Variants in WDR33 observed in about 807,000 individuals in gnomAD.
The protein encoded by WDR33 is WD repeat domain 33.
Under a neutral mutation model 164.9 loss-of-function variants are expected in WDR33, and 47 were observed. The observed-to-expected ratio is 0.29, with a 90% CI of 0.23 to 0.36. The LOEUF is 0.36. Ranked by LOEUF, WDR33 falls within the 10% of genes least tolerant of loss-of-function variation. The pLI, the probability that WDR33 is intolerant of heterozygous loss-of-function variation, is 1.00. For missense variants in WDR33, 1,137 were observed against 1,754.1 expected (o/e 0.65, Z 6.28); for synonymous variants, 505 against 589.0 (o/e 0.86, Z 2.06).
At chr2:127,799,123 A>G (rs545458011) in intron 1 of WDR33, 1 of 152,314 alleles carries the variant, frequency 6.6e-6, no homozygotes, top group South Asian at 2.1e-4. Flanking sequence ...GAGAAAAATC[A>G]GTTGCTTAAC....
At position 127,710,285 on chromosome 2, in the gene WDR33, T is replaced by TGCA. The variant is rs1686127065; in HGVS notation, c.3309-430_3309-429insTGC. Among the ~76,000 whole-genome samples, 1 of 152,248 alleles carries TGCA rather than the reference T, an allele frequency of 6.6e-6. No homozygotes were observed. Among genetic ancestry groups the TGCA allele is most frequent in the African/African-American group, 2.4e-5 (1 of 41,466 alleles). ...CAGTCTTGACCCTCGGCCCAGGTTC[T>TGCA]GTATCACTGCCTCACAAATACTTAT... On this transcript the variant is annotated intron_variant, in intron 18 of 21. Transcript: ENST00000322313. This position sits in a 1 kb window ranked among gnomAD's most constrained non-coding sequence, Gnocchi z 4.4.
intron 1 of WDR33, among the ~76,000 whole-genome samples, chr2:127,788,630 G>T (rs1688713653): frequency 6.9e-6 from 1 of 144,896 alleles, no homozygotes; most frequent in Non-Finnish European, 1.5e-5. Context: ...CCCGGACGGG[G>T]CGGCTGGCCG....
At chr2:127,734,943 CTAA>C (rs1686802618) in intron 7 of WDR33, among the ~76,000 whole-genome samples, 1 of 152,252 alleles carries the variant, frequency 6.6e-6, no homozygotes, top group Admixed American at 6.5e-5. Flanking sequence ...AAAAAAATGC[CTAA>C]TGTGTTAAAA....
intron 21 of WDR33, among the ~76,000 whole-genome samples, chr2:127,707,704 G>T (rs1396796662): frequency 1.3e-5 from 2 of 152,162 alleles, no homozygotes; most frequent in Non-Finnish European, 2.9e-5. Flanking sequence ...CAAATGGCAG[G>T]CCAGGCATGG....
intron 1 of WDR33, among the ~76,000 whole-genome samples, chr2:127,785,541 C>A (rs1688532784): frequency 6.6e-6 from 1 of 152,202 alleles, no homozygotes; most frequent in Admixed American, 6.5e-5. Context: ...TTTGCCCTTT[C>A]CAGAATGTCA....
chr2:127,711,768 A>ATTTTTTTT lies in WDR33; in HGVS notation c.3308+1814_3308+1815insAAAAAAAA, dbSNP rs1441301170. Among the ~76,000 whole-genome samples the ATTTTTTTT allele has an allele frequency of 7.6e-3, 530 of 70,188 alleles. 37 individuals are homozygous for ATTTTTTTT. The highest frequency in any genetic ancestry group is 0.051 in the African/African-American group (457 of 8,962). The allele number at this position is 70,188 out of a possible 152,430, so 46.0% of individuals were successfully genotyped here. On this transcript the variant is annotated intron_variant, in intron 18 of 21. Coordinates refer to ENST00000322313, the MANE Select transcript of WDR33 (RefSeq NM_018383.5). ...CATATACAGATATATATATATATATATATATATATATATTTTTTTTTTGAG... is the reference window on the plus strand; with the variant it reads ...CATATACAGATATATATATATATATATTTTTTTTTATATATATATATTTTTTTTTTGAG...
At chr2:127,766,328 G>A (rs1687819615) in intron 4 of WDR33, among the ~76,000 whole-genome samples, 1 of 152,042 alleles carries the variant, frequency 6.6e-6, no homozygotes, top group Admixed American at 6.6e-5. Flanking sequence ...ATAAAATGAA[G>A]GTTATTTCTT....
At chr2:127,746,556 T>C (rs966074510) in intron 7 of WDR33, among the ~76,000 whole-genome samples, 3 of 152,300 alleles carry the variant, frequency 2.0e-5, no homozygotes, top group Middle Eastern at 3.4e-3. Context: ...CCCTGTGAGG[T>C]AGGTATCATT....
Position 127,764,293 on chromosome 2 carries a change from C to T in WDR33, c.626+535G>A, listed in dbSNP as rs1687759524. The T allele has an allele frequency of 7.8e-7, 1 of 1,280,886 alleles. No individual in the cohort carries two copies. The highest frequency in any genetic ancestry group is 1.5e-5 in the African/African-American group (1 of 65,558). The allele number at this position is 1,280,886 out of a possible 1,614,324, so 79.3% of individuals were successfully genotyped here. A position where few individuals can be genotyped will look rare whatever the true frequency, so the allele number is the denominator to read the frequency against. The stretch of plus-strand genomic sequence containing the variant: ...CTTACAGCTGCAAAGCTTGAAGAAC[C>T]CATTCATTACTCCGTTAATGTTTGC... On this transcript the variant is annotated intron_variant, in intron 6 of 21. Transcript: ENST00000322313. The surrounding 1 kb of genome is among the most constrained non-coding windows in gnomAD (Gnocchi z 6.2).
intron 7 of WDR33, chr2:127,736,384 G>T (rs767256549): frequency 6.1e-6 from 6 of 985,404 alleles, no homozygotes; most frequent in Non-Finnish European, 7.2e-6. Flanking sequence ...GTTGCAAAAT[G>T]TAAGGATTTG....
At position 127,798,367 on chromosome 2, in the gene WDR33, CAAAAAAAAAAA is replaced by C. The variant is rs61568967; in HGVS notation, c.-24+12634_-24+12644del. On this transcript the variant is annotated intron_variant, in intron 1 of 21. Coordinates refer to ENST00000322313, the MANE Select transcript of WDR33 (RefSeq NM_018383.5). ...TAGGCAACAGGGCGAGACACCGTCG[CAAAAAAAAAAA>C]AAAAAAAAAAAAAAAAATGAATTTA... is the stretch of plus-strand genomic sequence containing the variant. Among the ~76,000 whole-genome samples the C allele has an allele frequency of 9.7e-3, 187 of 19,294 alleles. 1 individual carries two copies. Among genetic ancestry groups the C allele is most frequent in the African/African-American group, 0.02 (98 of 4,880 alleles). The allele number at this position is 19,294 out of a possible 152,430, so 12.7% of individuals were successfully genotyped here.
At position 127,701,293 on chromosome 2, in the gene WDR33, A is replaced by C. The variant is rs1166871460; in HGVS notation, c.*5030T>G. 5.7e-6 allele frequency: 2 copies of C among 348,084 alleles called. No individual in the cohort carries two copies. The highest frequency in any genetic ancestry group is 1.0e-5 in the Non-Finnish European group (2 of 196,078). 21.6% of individuals were successfully genotyped at this position (348,084 alleles called of 1,614,324 possible). A position where few individuals can be genotyped will look rare whatever the true frequency, so the allele number is the denominator to read the frequency against. ...GACCGCAAGGGCGCCTACTCCGAAC[A>C]AGGAAGAGGGTCAGGCGCTGGGAGG... On this transcript the variant is annotated 3_prime_UTR_variant, in exon 22 of 22. Coordinates refer to ENST00000322313, the MANE Select transcript of WDR33 (RefSeq NM_018383.5).
At chr2:127,732,303 TTTC>T (rs747497299) in intron 7 of WDR33, among the ~76,000 whole-genome samples, 15 of 151,492 alleles carry the variant, frequency 9.9e-5, no homozygotes, top group Non-Finnish European at 2.1e-4. Context: ...CTTGAACTTT[TTTC>T]TTTTTTTTTT....
intron 1 of WDR33, among the ~76,000 whole-genome samples, chr2:127,807,576 G>A (rs920973457): frequency 6.6e-6 from 1 of 152,140 alleles, no homozygotes; most frequent in African/African-American, 2.4e-5. Flanking sequence ...GAATAAATGA[G>A]AGTCACTGAA....
At position 127,709,412 on chromosome 2, in the gene WDR33, G is replaced by A; in HGVS notation, c.3565+78C>T. ...ATGAGCTGGAAAGAGGAGACCCGGT[G>A]CACCCCAGAGAGGGCCCTCAGAACT... On this transcript the variant is annotated intron_variant, in intron 20 of 21. Coordinates refer to ENST00000322313, the MANE Select transcript of WDR33 (RefSeq NM_018383.5). This position sits in a 1 kb window ranked among gnomAD's most constrained non-coding sequence, Gnocchi z 5.0. 7.1e-7 allele frequency: 1 copy of A among 1,400,352 alleles called. No individual in the cohort carries two copies. The highest frequency in any genetic ancestry group is 1.2e-5 in the South Asian group (1 of 85,588). The allele number at this position is 1,400,352 out of a possible 1,614,324, so 86.7% of individuals were successfully genotyped here.
At chr2:127,746,152 G>A (rs111652057) in intron 7 of WDR33, among the ~76,000 whole-genome samples, 5,946 of 151,630 alleles carry the variant, frequency 0.039, 172 homozygotes, top group Non-Finnish European at 0.057. Context: ...GATGATAGTG[G>A]AAATAAAATA....
intron 1 of WDR33, among the ~76,000 whole-genome samples, chr2:127,801,551 T>C (rs569489306): frequency 1.3e-5 from 2 of 150,498 alleles, no homozygotes; most frequent in African/African-American, 4.9e-5. Flanking sequence ...ACAATCACTA[T>C]GAAAAACAGT....
intron 1 of WDR33, among the ~76,000 whole-genome samples, chr2:127,802,875 GGAGGCT>G (rs1265874133): frequency 6.6e-6 from 1 of 152,054 alleles, no homozygotes; most frequent in Non-Finnish European, 1.5e-5. Context: ...CAGCTACTTG[GGAGGCT>G]GAGGTGGGAG....
chr2:127,760,318 G>A (rs1687640204), intron 7 of WDR33, among the ~76,000 whole-genome samples: 1 of 152,144 alleles, frequency 6.6e-6, no homozygotes, highest in Non-Finnish European at 1.5e-5. Context: ...CACTAACAAT[G>A]CAAAGGAGTA....
Sources: allele counts gnomAD v4.1 joint callset (sites outside exome capture counted in the v4.1 genomes callset), GRCh38; gene constraint gnomAD v4.1.1; non-coding constraint Gnocchi (gnomAD v3.1); transcripts MANE v1.5; gene names NCBI Gene and HGNC (gene_info 2026-07-23, HGNC 2026-07-21).